Variants in ZNF311 observed in about 807,000 individuals in gnomAD.
ZNF311 encodes zinc finger protein zfp31.
ZNF311 carries 14 observed loss-of-function variants against 22.7 expected under a neutral mutation model. That is an observed-to-expected ratio of 0.62 (90% CI 0.41 to 0.96). ZNF311 has a LOEUF of 0.96. ZNF311 is among the 40% of genes least tolerant of loss of function. The pLI is 0.00. For synonymous variants in ZNF311, 250 were observed against 275.3 expected (o/e 0.91, Z 0.91); for missense variants, 731 against 799.0 (o/e 0.91, Z 1.03).
intron 3 of ZNF311, among the ~76,000 whole-genome samples, chr6:29,003,141 T>G (rs930215852): frequency 1.3e-5 from 2 of 152,238 alleles, no homozygotes; most frequent in African/African-American, 4.8e-5. Flanking sequence ...AAAATTATGT[T>G]TGGGTAGGAA....
chr6:28,998,931 G>T, intron 5 of ZNF311, 93 bp from the exon 6 acceptor site: 1 of 763,126 alleles, frequency 1.3e-6, no homozygotes, highest in Non-Finnish European at 2.1e-6. Flanking sequence ...GTTTGTATAT[G>T]AAAACAGGAA....
In ZNF311 at chr6:28,996,703, G is replaced by C. The variant is rs1234213454; in HGVS notation, c.416-117C>G. ...TTTCCATGCTGGAAAAATTACTAAC[G>C]TTGTGGCCAAAAGTCAGAACAGGCT... is the stretch of plus-strand genomic sequence containing the variant. On this transcript the variant is annotated intron_variant, in intron 6 of 6. Coordinates refer to ENST00000377179, the MANE Select transcript of ZNF311 (RefSeq NM_001382360.1). 4.4e-6 allele frequency: 5 copies of C among 1,145,106 alleles called. No individual in the cohort carries two copies. The African/African-American group carries it at 6.2e-5, about 14-fold the overall frequency. The allele number at this position is 1,145,106 out of a possible 1,614,324, so 70.9% of individuals were successfully genotyped here.
chr6:29,001,934 G>A (rs1780497599), intron 3 of ZNF311, among the ~76,000 whole-genome samples: 1 of 152,128 alleles, frequency 6.6e-6, no homozygotes, highest in South Asian at 2.1e-4. Context: ...TACATATAAT[G>A]AAATGCACAT....
chr6:28,998,170 AT>A lies in ZNF311; in HGVS notation c.415+563del, dbSNP rs11376899. Among the ~76,000 whole-genome samples the A allele has an allele frequency of 4.4e-3, 615 of 140,310 alleles. 3 individuals carry two copies. The highest frequency in any genetic ancestry group is 8.4e-3 in the South Asian group (37 of 4,426). 92.0% of individuals were successfully genotyped at this position (140,310 alleles called of 152,430 possible). A position where few individuals can be genotyped will look rare whatever the true frequency, so the allele number is the denominator to read the frequency against. ...ACAGAAGGGTAATAAATATTCTGAGATTTTTTTTTTTTTTTTGAGGTGGAGT... is the reference window on the plus strand; with the variant it reads ...ACAGAAGGGTAATAAATATTCTGAGATTTTTTTTTTTTTTTGAGGTGGAGT... On this transcript the variant is annotated intron_variant, in intron 6 of 6. Coordinates refer to ENST00000377179, the MANE Select transcript of ZNF311 (RefSeq NM_001382360.1).
chr6:28,995,586 C>T lies in ZNF311; in HGVS notation c.1416G>A (p.Arg472=). 1.9e-6 allele frequency: 3 copies of T among 1,613,642 alleles called. No homozygotes were observed. Among genetic ancestry groups the T allele is most frequent in the Non-Finnish European group, 2.5e-6 (3 of 1,180,014 alleles). The change falls in exon 7 of 7, where the codon AGG becomes AGA. Residue 472 remains arginine (R), a synonymous_variant. Transcript: ENST00000377179. This position sits in a 1 kb window ranked among gnomAD's most constrained non-coding sequence, Gnocchi z 4.7. ...RRIHTEEKRY[R]CEECGKAFRH... is the part of the protein sequence containing the mutation. ...GAAAGGCTTTCCCACACTCCTCACA[C>T]CTGTAACGTTTCTCTTCAGTGTGGA...
Position 28,995,740 on chromosome 6 carries a change from C to CCA in ZNF311, c.1260_1261dup (p.Gly421ValfsTer11). ...GTCTGAGCTCCGACTGAAGGCCCTT[C>CCA]CACACTTGCTGCACTCATAAGGTCG... On this transcript the variant is annotated frameshift_variant, in exon 7 of 7. Coordinates refer to ENST00000377179, the MANE Select transcript of ZNF311 (RefSeq NM_001382360.1). LOFTEE classifies it low-confidence loss of function (END_TRUNC). This position sits in a 1 kb window ranked among gnomAD's most constrained non-coding sequence, Gnocchi z 4.7. 3.1e-6 allele frequency: 5 copies of CCA among 1,613,902 alleles called. No individual in the cohort carries two copies. The highest frequency in any genetic ancestry group is 4.2e-6 in the Non-Finnish European group (5 of 1,180,032).
chr6:29,003,480 G>A (rs376695706), intron 3 of ZNF311, 33 bp downstream of exon 3: 23 of 1,607,048 alleles, frequency 1.4e-5, no homozygotes, highest in Non-Finnish European at 1.8e-5. Flanking sequence ...CTCAGCTGCC[G>A]TGACTCCTGC....
chr6:29,003,793 A>T, intron 2 of ZNF311, 153 bp downstream of exon 2: 1 of 1,546,454 alleles, frequency 6.5e-7, no homozygotes, highest in African/African-American at 1.4e-5. Context: ...TTTAATGATC[A>T]CCAGGTCAAG....
chr6:29,005,283 G>C lies in ZNF311; in HGVS notation c.-536C>G, dbSNP rs2150741701. On this transcript the variant is annotated 5_prime_UTR_variant, in exon 1 of 7. Coordinates refer to ENST00000377179, the MANE Select transcript of ZNF311 (RefSeq NM_001382360.1). ...GCTGTAGAGAAGAATAAAAAGAATG[G>C]GTCAGGAGGCGACAAGAGCAAGACT... 6.7e-6 allele frequency: 1 copy of C among 150,002 alleles called. No homozygotes were observed. Among genetic ancestry groups the C allele is most frequent in the East Asian group, 2.0e-4 (1 of 5,106 alleles). The allele number at this position is 150,002 out of a possible 1,614,324, so 9.3% of individuals were successfully genotyped here. A position where few individuals can be genotyped will look rare whatever the true frequency, so the allele number is the denominator to read the frequency against.
At position 28,995,695 on chromosome 6, in the gene ZNF311, A is replaced by G; in HGVS notation, c.1307T>C (p.Ile436Thr). Residue 436 changes from isoleucine (I) to threonine (T), a missense_variant, in exon 7 of 7, where the codon ATC (isoleucine) becomes ACC (threonine). Ile to Thr is a moderately conservative substitution (Grantham distance 89). Transcript: ENST00000377179. This position sits in a 1 kb window ranked among gnomAD's most constrained non-coding sequence, Gnocchi z 4.7. ...CCCATAGTGTTTCTCCCGAGTATGG[A>G]TTCGTTTGTGTTTGCTTAGGTCTGA... Reference protein sequence around the residue: ...RSSDLSKHKRIHTREKHYGCP... With the variant: ...RSSDLSKHKRTHTREKHYGCP... 6.2e-7 allele frequency: 1 copy of G among 1,613,362 alleles called. No individual in the cohort carries two copies. The highest frequency in any genetic ancestry group is 8.5e-7 in the Non-Finnish European group (1 of 1,179,982).
chr6:28,996,524 T>A lies in ZNF311; in HGVS notation c.478A>T (p.Asn160Tyr). 6.2e-7 allele frequency: 1 copy of A among 1,605,426 alleles called. No homozygotes were observed. Among genetic ancestry groups the A allele is most frequent in the Non-Finnish European group, 8.5e-7 (1 of 1,179,746 alleles). The change falls in exon 7 of 7, where the codon AAT (asparagine) becomes TAT (tyrosine). Residue 160 changes from asparagine to tyrosine, a missense_variant. Transcript: ENST00000377179. ...AATTTCATCCAGTAGGCTTCTCCAT[T>A]TTCAAAAATCTCTTGTTGTGAACTT... is the stretch of plus-strand genomic sequence containing the variant. The part of the protein sequence containing the change: ...KASSQQEIFE[N>Y]GEAYWMKFNS...
chr6:28,997,871 A>G (rs1376199035), intron 6 of ZNF311, among the ~76,000 whole-genome samples: 1 of 152,188 alleles, frequency 6.6e-6, no homozygotes, highest in Non-Finnish European at 1.5e-5. Flanking sequence ...GCCACACTGA[A>G]GTACTTTAAT....
chr6:28,999,701 G>A (rs996856409), intron 4 of ZNF311, 88 bp from the exon 5 acceptor site: 1 of 1,508,758 alleles, frequency 6.6e-7, no homozygotes, highest in African/African-American at 1.4e-5. Context: ...GCAAGGAGGA[G>A]GTTTATAGAA....
chr6:28,994,892 G>A lies in ZNF311; in HGVS notation c.*109C>T, dbSNP rs1308881673. 3 of 1,238,854 alleles carry A rather than the reference G, an allele frequency of 2.4e-6. No homozygotes were observed. The highest frequency in any genetic ancestry group is 3.3e-6 in the Non-Finnish European group (3 of 922,028). The allele number at this position is 1,238,854 out of a possible 1,614,324, so 76.7% of individuals were successfully genotyped here. A position where few individuals can be genotyped will look rare whatever the true frequency, so the allele number is the denominator to read the frequency against. On this transcript the variant is annotated 3_prime_UTR_variant, in exon 7 of 7. Coordinates refer to ENST00000377179, the MANE Select transcript of ZNF311 (RefSeq NM_001382360.1). ...TAAGAAGGTAAAGGACAATGTCTTT[G>A]GGGAATCTCACAATTAAGGGTCAGG...
intron 6 of ZNF311, among the ~76,000 whole-genome samples, chr6:28,997,065 A>C (rs1469925771): frequency 6.6e-6 from 1 of 152,176 alleles, no homozygotes; most frequent in Non-Finnish European, 1.5e-5. Context: ...GGCAGATTAG[A>C]TCTGTGCAAT....
At chr6:28,996,688 G>A in intron 6 of ZNF311, 102 bp from the exon 7 acceptor site, 1 of 1,338,384 alleles carries the variant, frequency 7.5e-7, no homozygotes, top group Non-Finnish European at 1.0e-6. Context: ...TTTCCATGCT[G>A]GAAAAATTAC....
chr6:29,004,279 C>A, intron 1 of ZNF311, 65 bp from the exon 2 acceptor site: 1 of 1,210,290 alleles, frequency 8.3e-7, no homozygotes, highest in East Asian at 3.3e-5. Context: ...TCACTGAGAA[C>A]CTGAGGCACG....
chr6:29,001,889 C>A (rs2150713379), intron 3 of ZNF311, among the ~76,000 whole-genome samples: 1 of 152,278 alleles, frequency 6.6e-6, no homozygotes, highest in Non-Finnish European at 1.5e-5. Flanking sequence ...ACTGGAAGTT[C>A]AACATTTGTT....
At chr6:29,000,104 T>G in intron 3 of ZNF311, 57 bp from the exon 4 acceptor site, 3 of 1,496,800 alleles carry the variant, frequency 2.0e-6, no homozygotes, top group Non-Finnish European at 2.7e-6. Flanking sequence ...TGAAATCTCC[T>G]GCATTCGTCT....
Sources: allele counts gnomAD v4.1 joint callset (sites outside exome capture counted in the v4.1 genomes callset), GRCh38; gene constraint gnomAD v4.1.1; non-coding constraint Gnocchi (gnomAD v3.1); transcripts MANE v1.5; gene names NCBI Gene and HGNC (gene_info 2026-07-23, HGNC 2026-07-21).